ZNF839: variants seen among roughly 807,000 people sequenced by gnomAD.
ZNF839 encodes renal carcinoma antigen NY-REN-50.
In ZNF839, 38 loss-of-function variants were observed where a neutral mutation model predicts 56.4. The ratio of observed to expected loss-of-function variants is 0.67; its 90% CI spans 0.52 to 0.88. The LOEUF is 0.88. ZNF839 is among the 40% of genes least tolerant of loss of function. The probability of loss-of-function intolerance (pLI) is 0.00; values close to 1 mark genes in which losing one functional copy is unlikely to be tolerated. For synonymous variants in ZNF839, 486 were observed against 493.5 expected (o/e 0.98, Z 0.20); for missense variants, 1,091 against 1,177.6 (o/e 0.93, Z 1.08).
At position 102,341,600 on chromosome 14, in the gene ZNF839, G is replaced by A. The variant is rs1301637762; in HGVS notation, c.2205G>A (p.Gln735=). 1.2e-6 allele frequency: 2 copies of A among 1,613,758 alleles called. No individual in the cohort carries two copies. The highest frequency in any genetic ancestry group is 3.3e-5 in the Admixed American group (2 of 59,978). Residue 735 remains glutamine (Q), a synonymous_variant, in exon 8 of 8, where the codon CAG becomes CAA. Transcript: ENST00000442396. ...ATGCTTTGGAACACTCTTCAGACCA[G>A]GACACCTGGGACAGCCTGAGGAGCC... ...GENALEHSSD[Q]DTWDSLRSPG...
Position 102,326,887 on chromosome 14 carries a change from G to A in ZNF839, c.1191G>A (p.Gln397=). The A allele has an allele frequency of 1.3e-6, 2 of 1,590,882 alleles. No individual in the cohort carries two copies. The highest frequency in any genetic ancestry group is 1.7e-6 in the Non-Finnish European group (2 of 1,165,816). Residue 397 remains glutamine (Q), a splice_region_variant and synonymous_variant, in exon 2 of 8, where the codon CAG becomes CAA. Transcript: ENST00000442396. The surrounding 1 kb of genome is among the most constrained non-coding windows in gnomAD (Gnocchi z 4.3). ...CAGAGTCAGCACGCGGTGGCCTGCA[G>A]GTAATGTTTCTGTCTGGGTATGTGT... ...LVTESARGGL[Q]NGQSVDVEET... is the part of the protein sequence containing the mutation.
At chr14:102,339,441 C>G (rs1254798031) in intron 7 of ZNF839, among the ~76,000 whole-genome samples, 2 of 152,124 alleles carry the variant, frequency 1.3e-5, no homozygotes, top group African/African-American at 4.8e-5. Context: ...TCTAGAGTGC[C>G]TTGTTAAAAT....
At position 102,329,169 on chromosome 14, in the gene ZNF839, C is replaced by T. The variant is rs143061894; in HGVS notation, c.1191+2282C>T. The stretch of plus-strand genomic sequence containing the variant: ...TATTTTTAGTAGAGATGGGGTTTCA[C>T]CATGTTAGCCAAGATGGTCTCGATC... On this transcript the variant is annotated intron_variant, in intron 2 of 7. Transcript: ENST00000442396. Among the ~76,000 whole-genome samples, 514 of 151,970 alleles carry T rather than the reference C, an allele frequency of 3.4e-3. 8 individuals are homozygous for T. The highest frequency in any genetic ancestry group is 0.033 in the East Asian group (172 of 5,154).
chr14:102,341,534 G>A lies in ZNF839; in HGVS notation c.2139G>A (p.Arg713=), dbSNP rs1244277309. The A allele has an allele frequency of 1.2e-6, 2 of 1,610,684 alleles. No homozygotes were observed. The highest frequency in any genetic ancestry group is 1.3e-5 in the African/African-American group (1 of 74,864). Residue 713 remains arginine, a synonymous_variant, in exon 8 of 8, where the codon AGG becomes AGA. Transcript: ENST00000442396. ...TTTATGCTCAGTCAGGAGAGCCTAG[G>A]AGGCTGACCCAGGCACAGGTGGCAG... ...LPVYAQSGEP[R]RLTQAQVAAF... is the part of the protein sequence containing the mutation.
At chr14:102,324,428 G>T (rs922288865) in intron 1 of ZNF839, among the ~76,000 whole-genome samples, 7 of 151,922 alleles carry the variant, frequency 4.6e-5, no homozygotes, top group Non-Finnish European at 4.4e-5. Flanking sequence ...CTGTAATCAG[G>T]GCTACTCAGG....
At chr14:102,321,835 A>C (rs979030023) in intron 1 of ZNF839, among the ~76,000 whole-genome samples, 1 of 152,142 alleles carries the variant, frequency 6.6e-6, no homozygotes, top group African/African-American at 2.4e-5. Flanking sequence ...AAAATGCAGA[A>C]GGGGAGAGGC....
Position 102,342,335 on chromosome 14 carries a change from A to C in ZNF839, c.*156A>C. 1.2e-6 allele frequency: 1 copy of C among 841,864 alleles called. No individual in the cohort carries two copies. Among genetic ancestry groups the C allele is most frequent in the South Asian group, 2.1e-5 (1 of 47,822 alleles). The allele number at this position is 841,864 out of a possible 1,614,324, so 52.1% of individuals were successfully genotyped here. On this transcript the variant is annotated 3_prime_UTR_variant, in exon 8 of 8. Coordinates refer to ENST00000442396, the MANE Select transcript of ZNF839 (RefSeq NM_018335.6). ...TCTAATGTGAATATTGCACAGATGAACCTTTTATTTATAAAGAATAATGTC... is the reference window on the plus strand; with the variant it reads ...TCTAATGTGAATATTGCACAGATGACCCTTTTATTTATAAAGAATAATGTC...
In ZNF839 at chr14:102,342,099, C is replaced by T; in HGVS notation, c.2704C>T (p.Pro902Ser). The change falls in exon 8 of 8, where the codon CCA becomes TCA. Residue 902 changes from proline to serine, a missense_variant. Physicochemically the swap from Pro to Ser is moderately conservative, Grantham distance 74. Around this residue, in one of 3 missense-constraint regions of ZNF839, gnomAD observed 431 missense variants for 468.0 expected, o/e 0.92. Transcript: ENST00000442396. ...TTCCGATGGGCTTATCTTGTCCCCT[C>T]CAGGTACAATAGTGTCTCAGGAGGA... ...QTSDGLILSP[P>S]GTIVSQEEDI... 6.2e-7 allele frequency: 1 copy of T among 1,613,972 alleles called. No individual in the cohort carries two copies. The highest frequency in any genetic ancestry group is 8.5e-7 in the Non-Finnish European group (1 of 1,179,904).
intron 5 of ZNF839, 107 bp from the exon 6 acceptor site, chr14:102,338,709 T>G: frequency 6.6e-7 from 1 of 1,507,630 alleles, no homozygotes; most frequent in African/African-American, 1.4e-5. Context: ...GGTGAGGAAC[T>G]TTGTAGATTT....
chr14:102,330,058 G>C (rs1205986586), intron 2 of ZNF839, among the ~76,000 whole-genome samples: 2 of 151,880 alleles, frequency 1.3e-5, no homozygotes, highest in Non-Finnish European at 2.9e-5. Context: ...GCCTCCCAAA[G>C]TGCTAGGATT....
intron 5 of ZNF839, chr14:102,336,887 C>G (rs1490421893): frequency 9.7e-6 from 2 of 206,120 alleles, no homozygotes; most frequent in Non-Finnish European, 2.0e-5. Flanking sequence ...CCGTGTGTCA[C>G]CATGCCCAGC....
In ZNF839 at chr14:102,339,143, T is replaced by C. The variant is rs1274322906; in HGVS notation, c.1847T>C (p.Leu616Pro). 1 of 1,613,368 alleles carries C rather than the reference T, an allele frequency of 6.2e-7. No individual in the cohort carries two copies. Among genetic ancestry groups the C allele is most frequent in the Non-Finnish European group, 8.5e-7 (1 of 1,179,666 alleles). The change falls in exon 7 of 8, where the codon CTG (leucine) becomes CCG (proline). Residue 616 changes from leucine to proline, a missense_variant. Leu to Pro is a moderately conservative substitution (Grantham distance 98, BLOSUM62 -3). Around this residue, in one of 3 missense-constraint regions of ZNF839, gnomAD observed 431 missense variants for 468.0 expected, o/e 0.92. Transcript: ENST00000442396. ...ASVKRPRREALSNDTTESLAA... is the reference protein window; with the variant it reads ...ASVKRPRREAPSNDTTESLAA... The stretch of plus-strand genomic sequence containing the variant: ...GTGAAAAGGCCCAGAAGAGAAGCCC[T>C]GTCCAACGATACCACTGAATCTCTT...
In ZNF839 at chr14:102,332,486, T is replaced by G. The variant is rs1389477259; in HGVS notation, c.1416+640T>G. Among the ~76,000 whole-genome samples the G allele has an allele frequency of 6.6e-6, 1 of 152,100 alleles. No homozygotes were observed. Among genetic ancestry groups the G allele is most frequent in the East Asian group, 1.9e-4 (1 of 5,178 alleles). Reference sequence around the variant, plus strand: ...TAATTTCTCCAGAAATGGATATTAATTTATACATTTACTGGGTGTCCATCA... The same window carrying G: ...TAATTTCTCCAGAAATGGATATTAAGTTATACATTTACTGGGTGTCCATCA... On this transcript the variant is annotated intron_variant, in intron 3 of 7. Transcript: ENST00000442396. This position sits in a 1 kb window ranked among gnomAD's most constrained non-coding sequence, Gnocchi z 4.9.
intron 2 of ZNF839, among the ~76,000 whole-genome samples, chr14:102,329,681 T>G (rs56165231): frequency 0.18 from 27,914 of 151,462 alleles, 3,762 homozygotes; most frequent in African/African-American, 0.36. Context: ...CACTGCACCT[T>G]GCCTCATTTA....
chr14:102,339,257 A>G (rs1225395179), intron 7 of ZNF839, 34 bp downstream of exon 7: 1 of 1,599,678 alleles, frequency 6.3e-7, no homozygotes, highest in South Asian at 1.1e-5. Flanking sequence ...GGGTGTATCC[A>G]TGGCCTGGCA....
intron 7 of ZNF839, 169 bp from the exon 8 acceptor site, chr14:102,341,154 T>C (rs964393628): frequency 7.3e-6 from 4 of 551,508 alleles, no homozygotes; most frequent in African/African-American, 5.9e-5. Context: ...GAATAGAGAA[T>C]AGGGACGTAT....
chr14:102,331,074 C>A (rs1227379666), intron 2 of ZNF839, among the ~76,000 whole-genome samples: 1 of 152,124 alleles, frequency 6.6e-6, no homozygotes, highest in African/African-American at 2.4e-5. Flanking sequence ...TATGGTTACA[C>A]AATTTCGCGA....
At chr14:102,331,374 G>A (rs1473675916) in intron 2 of ZNF839, 5 of 364,020 alleles carry the variant, frequency 1.4e-5, no homozygotes, top group Non-Finnish European at 1.5e-5. Context: ...TCAACCTCCC[G>A]AGTAGCCAGG....
chr14:102,339,263 T>C (rs1307006885), intron 7 of ZNF839, 40 bp downstream of exon 7: 1 of 1,595,410 alleles, frequency 6.3e-7, no homozygotes, highest in African/African-American at 1.3e-5. Flanking sequence ...ATCCATGGCC[T>C]GGCAGCCCTG....
Sources: allele counts gnomAD v4.1 joint callset (sites outside exome capture counted in the v4.1 genomes callset), GRCh38; gene constraint gnomAD v4.1.1; regional missense constraint gnomAD v4.1.1; non-coding constraint Gnocchi (gnomAD v3.1); transcripts MANE v1.5; gene names NCBI Gene and HGNC (gene_info 2026-07-23, HGNC 2026-07-21).